Variants in NUMB observed in about 807,000 individuals in gnomAD.
NUMB encodes protein numb homolog.
NUMB carries 29 observed loss-of-function variants against 59.7 expected under a neutral mutation model. The ratio of observed to expected loss-of-function variants is 0.49; its 90% CI spans 0.36 to 0.66. The LOEUF is 0.66. Ranked by LOEUF, NUMB falls within the 30% of genes least tolerant of loss-of-function variation. The pLI is 0.00. For missense variants in NUMB, 723 were observed against 822.0 expected, an observed-to-expected ratio of 0.88 and a Z score of 1.47; for synonymous variants, 288 against 288.2, an observed-to-expected ratio of 1.00 and a Z score of 0.01.
intron 4 of NUMB, among the ~76,000 whole-genome samples, chr14:73,328,972 A>G (rs1317422166): frequency 6.6e-6 from 1 of 152,130 alleles, no homozygotes; most frequent in Admixed American, 6.5e-5. Flanking sequence ...AGGTTCAAGC[A>G]ATTCTTCTGC....
At chr14:73,404,994 T>C (rs1896592173) in intron 2 of NUMB, among the ~76,000 whole-genome samples, 1 of 152,084 alleles carries the variant, frequency 6.6e-6, no homozygotes, top group African/African-American at 2.4e-5. Context: ...CTCCTGACCT[T>C]GTGACCTGCC....
intron 1 of NUMB, among the ~76,000 whole-genome samples, chr14:73,427,824 C>T (rs556639283): frequency 1.3e-5 from 2 of 152,264 alleles, no homozygotes; most frequent in African/African-American, 4.8e-5. Flanking sequence ...GAACCTAACA[C>T]GCTTAAACCT....
chr14:73,361,783 A>G (rs761690968), intron 3 of NUMB, among the ~76,000 whole-genome samples: 1 of 152,196 alleles, frequency 6.6e-6, no homozygotes, highest in Non-Finnish European at 1.5e-5. Flanking sequence ...AAATAACTTT[A>G]TCAAGACCTC....
chr14:73,360,401 C>CA (rs148795726), intron 3 of NUMB, among the ~76,000 whole-genome samples: 9 of 152,082 alleles, frequency 5.9e-5, no homozygotes, highest in Admixed American at 2.0e-4. Flanking sequence ...ACTAAAAATA[C>CA]AAAAAAATTA....
At position 73,361,835 on chromosome 14, in the gene NUMB, A is replaced by G. The variant is rs558048661; in HGVS notation, c.-16+5062T>C. On this transcript the variant is annotated intron_variant, in intron 3 of 12. Transcript: ENST00000555238. ...TAAGAACACAATGAAAGAGACAGAA[A>G]AGGGGCATTTCAAACAGGGAATGAG... Among the ~76,000 whole-genome samples the G allele has an allele frequency of 3.5e-4, 54 of 152,336 alleles. No homozygotes were observed. The South Asian group carries it at 0.01, about 29-fold the overall frequency.
chr14:73,381,040 T>G (rs1160679552), intron 2 of NUMB, among the ~76,000 whole-genome samples: 2 of 152,190 alleles, frequency 1.3e-5, no homozygotes, highest in Non-Finnish European at 2.9e-5. Context: ...GTTCTTTTAA[T>G]TCTTCTATTA....
chr14:73,346,142 T>C (rs1475643972), intron 4 of NUMB, among the ~76,000 whole-genome samples: 5 of 152,060 alleles, frequency 3.3e-5, no homozygotes, highest in African/African-American at 9.7e-5. Flanking sequence ...TTCCTATGGG[T>C]AATATTTCAT....
intron 2 of NUMB, among the ~76,000 whole-genome samples, chr14:73,408,503 C>A (rs1407337736): frequency 2.6e-5 from 4 of 152,068 alleles, no homozygotes; most frequent in African/African-American, 9.7e-5. Flanking sequence ...AAACTCCAAA[C>A]TACAAATCTT....
chr14:73,386,193 G>A (rs934836762), intron 2 of NUMB, among the ~76,000 whole-genome samples: 3 of 152,062 alleles, frequency 2.0e-5, no homozygotes, highest in African/African-American at 7.2e-5. Context: ...TGCTATGATG[G>A]CATCTGTGAA....
intron 4 of NUMB, among the ~76,000 whole-genome samples, chr14:73,338,152 A>T (rs1206435627): frequency 6.6e-6 from 1 of 151,970 alleles, no homozygotes; most frequent in Non-Finnish European, 1.5e-5. Context: ...AAAATCAGCC[A>T]GGCATCTGTA....
chr14:73,431,170 T>C lies in NUMB; in HGVS notation c.-232-21102A>G, dbSNP rs567945476. On this transcript the variant is annotated intron_variant, in intron 1 of 12. Transcript: ENST00000555238. Reference sequence around the variant, plus strand: ...TGGGGTTTCACCATGTTGGTCAGGCTGGTCTCGAGCTCCTGACCTCGTGAT... The same window carrying C: ...TGGGGTTTCACCATGTTGGTCAGGCCGGTCTCGAGCTCCTGACCTCGTGAT... Among the ~76,000 whole-genome samples, 13 of 151,622 alleles carry C rather than the reference T, an allele frequency of 8.6e-5. 1 individual carries two copies. In the South Asian group the frequency reaches 2.5e-3, roughly 29 times the overall value.
Position 73,417,087 on chromosome 14 carries a change from C to T in NUMB, c.-232-7019G>A, listed in dbSNP as rs147020611. Reference sequence around the variant, plus strand: ...GGTCACAGGATGGCCGAATTCCAGGCGACGATCATCTTCCCACTCCATCCC... The same window carrying T: ...GGTCACAGGATGGCCGAATTCCAGGTGACGATCATCTTCCCACTCCATCCC... On this transcript the variant is annotated intron_variant, in intron 1 of 12. Transcript: ENST00000555238. 3.1e-3 allele frequency among the ~76,000 whole-genome samples: 468 copies of T among 151,866 alleles called. 3 individuals are homozygous for T. Among genetic ancestry groups the T allele is most frequent in the African/African-American group, 0.011 (442 of 41,386 alleles).
intron 3 of NUMB, among the ~76,000 whole-genome samples, chr14:73,358,918 C>T (rs1260933269): frequency 6.6e-6 from 1 of 152,140 alleles, no homozygotes; most frequent in Non-Finnish European, 1.5e-5. Flanking sequence ...ACCATCGATG[C>T]TGGAAGAGAC....
intron 2 of NUMB, among the ~76,000 whole-genome samples, chr14:73,400,852 A>G (rs2140116316): frequency 6.6e-6 from 1 of 152,274 alleles, no homozygotes; most frequent in East Asian, 1.9e-4. Flanking sequence ...CTTTCCACAT[A>G]CCTTGCCCTA....
intron 6 of NUMB, among the ~76,000 whole-genome samples, chr14:73,306,735 CT>C (rs1411480059): frequency 1.3e-5 from 2 of 152,338 alleles, no homozygotes; most frequent in Admixed American, 1.3e-4. Flanking sequence ...CCTGGAGCAC[CT>C]GTTACTGTCA....
At chr14:73,286,325 A>G (rs889409403) in intron 9 of NUMB, 1 of 149,516 alleles carries the variant, frequency 6.7e-6, no homozygotes, top group Non-Finnish European at 1.5e-5. Context: ...GCTGTAAGCC[A>G]CTATACCTGG....
chr14:73,347,610 A>G (rs996454465), intron 4 of NUMB, among the ~76,000 whole-genome samples: 5 of 152,228 alleles, frequency 3.3e-5, no homozygotes, highest in Admixed American at 1.3e-4. Flanking sequence ...AAGACTTTCA[A>G]GTTTTTAATC....
chr14:73,361,881 A>G (rs993996636), intron 3 of NUMB, among the ~76,000 whole-genome samples: 2 of 152,192 alleles, frequency 1.3e-5, no homozygotes, highest in African/African-American at 4.8e-5. Flanking sequence ...AAGTCATGCT[A>G]TGTATGTAAA....
intron 2 of NUMB, among the ~76,000 whole-genome samples, chr14:73,388,535 T>TA (rs1895671001): frequency 6.6e-6 from 1 of 152,236 alleles, no homozygotes; most frequent in East Asian, 1.9e-4. Flanking sequence ...GGCTTATGGC[T>TA]GATCTAATTT....
Sources: allele counts gnomAD v4.1 joint callset (sites outside exome capture counted in the v4.1 genomes callset), GRCh38; gene constraint gnomAD v4.1.1; transcripts MANE v1.5; gene names NCBI Gene and HGNC (gene_info 2026-07-23, HGNC 2026-07-21).